The following NCAM2 variants were observed in gnomAD, a reference collection of about 807,000 sequenced individuals.
NCAM2 encodes the protein N-CAM-2.
NCAM2 carries 30 observed loss-of-function variants against 98.1 expected under a neutral mutation model. That is an observed-to-expected ratio of 0.31 (90% confidence interval 0.23 to 0.41). The LOEUF (loss-of-function observed/expected upper bound fraction) is 0.41. NCAM2 is among the 10% of genes least tolerant of loss of function. The pLI is 1.00. For synonymous variants in NCAM2, 368 were observed against 342.4 expected, an observed-to-expected ratio of 1.07 and a Z score of -0.83; for missense variants, 867 against 1,005.8, an observed-to-expected ratio of 0.86 and a Z score of 1.87.
intron 9 of NCAM2, among the ~76,000 whole-genome samples, chr21:21,404,570 T>C (rs2076698219): frequency 6.6e-6 from 1 of 152,060 alleles, no homozygotes; most frequent in Non-Finnish European, 1.5e-5. Flanking sequence ...ATTACCCAGT[T>C]TTGAATGTCT....
chr21:20,998,544 A>G lies in NCAM2; in HGVS notation c.-20A>G, dbSNP rs982481481. 7 of 1,613,118 alleles carry G rather than the reference A, an allele frequency of 4.3e-6. No homozygotes were observed. The African/African-American group carries it at 6.7e-5, about 15-fold the overall frequency. ...GGACTTAATAACTTTGAAACTGTCC[A>G]CCGGTGTCACGTCCTGAACATGAGC... is the stretch of plus-strand genomic sequence containing the variant. On this transcript the variant is annotated 5_prime_UTR_variant, in exon 1 of 18. Coordinates refer to ENST00000400546, the MANE Select transcript of NCAM2 (RefSeq NM_004540.5).
chr21:21,266,732 G>A (rs976091795), intron 1 of NCAM2, among the ~76,000 whole-genome samples: 7 of 151,936 alleles, frequency 4.6e-5, no homozygotes, highest in African/African-American at 1.7e-4. Flanking sequence ...GGGGTGGGTG[G>A]AGGGGGGAGG....
chr21:21,024,098 T>C (rs1725235987), intron 1 of NCAM2, among the ~76,000 whole-genome samples: 1 of 152,186 alleles, frequency 6.6e-6, no homozygotes, highest in African/African-American at 2.4e-5. Context: ...ACAAAGAATA[T>C]GTGATATTCC....
At position 21,539,324 on chromosome 21, in the gene NCAM2, C is replaced by T. The variant is rs1267812395; in HGVS notation, c.*1367C>T. 6.6e-6 allele frequency: 1 copy of T among 152,054 alleles called. No homozygotes were observed. The highest frequency in any genetic ancestry group is 1.5e-5 in the Non-Finnish European group (1 of 68,010). 9.4% of individuals were successfully genotyped at this position (152,054 alleles called of 1,614,324 possible). On this transcript the variant is annotated 3_prime_UTR_variant, in exon 18 of 18. Coordinates refer to ENST00000400546, the MANE Select transcript of NCAM2 (RefSeq NM_004540.5). ...TACCATTTGGGAGCAGGTTTATTAA[C>T]CTTGAGAGCCAAAGGTTTCCTTAGG...
chr21:21,454,594 GC>G (rs1981844621), intron 12 of NCAM2, among the ~76,000 whole-genome samples: 1 of 151,876 alleles, frequency 6.6e-6, no homozygotes, highest in African/African-American at 2.4e-5. Context: ...GTCGGTTTCA[GC>G]AGGAAAGTTA....
chr21:21,524,407 A>G lies in NCAM2; in HGVS notation c.2283-10130A>G, dbSNP rs1438460811. On this transcript the variant is annotated intron_variant, in intron 16 of 17. Coordinates refer to ENST00000400546, the MANE Select transcript of NCAM2 (RefSeq NM_004540.5). Reference sequence around the variant, plus strand: ...AGACTTTAACGCTGCCCTATAAGGAACTCATTCAGCAAGCAGAAAAAAAAA... The same window carrying G: ...AGACTTTAACGCTGCCCTATAAGGAGCTCATTCAGCAAGCAGAAAAAAAAA... Among the ~76,000 whole-genome samples, 9 of 148,226 alleles carry G rather than the reference A, an allele frequency of 6.1e-5. No individual in the cohort carries two copies. In the East Asian group the frequency reaches 1.8e-3, roughly 29 times the overall value.
At chr21:21,337,474 C>G (rs1400637309) in intron 7 of NCAM2, among the ~76,000 whole-genome samples, 1 of 151,720 alleles carries the variant, frequency 6.6e-6, no homozygotes. Context: ...TTTCTGATAC[C>G]AAGAATGTTA....
At chr21:21,013,939 G>A (rs1300074850) in intron 1 of NCAM2, among the ~76,000 whole-genome samples, 1 of 152,168 alleles carries the variant, frequency 6.6e-6, no homozygotes, top group East Asian at 1.9e-4. Context: ...GATGAAGGCA[G>A]GACTACACTA....
Position 21,534,767 on chromosome 21 carries a change from G to T in NCAM2, c.2402+111G>T, listed in dbSNP as rs892992874. ...TATTAATTATTTGTAAAAGAATTGTGCTTTTACTTTTTTGATGAAAGTACA... is the reference window on the plus strand; with the variant it reads ...TATTAATTATTTGTAAAAGAATTGTTCTTTTACTTTTTTGATGAAAGTACA... On this transcript the variant is annotated intron_variant, in intron 17 of 17. Coordinates refer to ENST00000400546, the MANE Select transcript of NCAM2 (RefSeq NM_004540.5). 1.0e-5 allele frequency: 11 copies of T among 1,081,710 alleles called. No individual in the cohort carries two copies. The African/African-American group carries it at 1.6e-4, about 16-fold the overall frequency. 67.0% of individuals were successfully genotyped at this position (1,081,710 alleles called of 1,614,324 possible).
chr21:21,484,871 C>G (rs954677438), intron 15 of NCAM2, among the ~76,000 whole-genome samples: 6 of 152,134 alleles, frequency 3.9e-5, no homozygotes, highest in African/African-American at 1.4e-4. Flanking sequence ...TGTTAAATAG[C>G]ATGTCACTTG....
intron 5 of NCAM2, among the ~76,000 whole-genome samples, chr21:21,314,637 T>A (rs1205146436): frequency 6.6e-6 from 1 of 152,186 alleles, no homozygotes; most frequent in Non-Finnish European, 1.5e-5. Flanking sequence ...AAGAAGTTCC[T>A]GAAGTCTATT....
At chr21:21,378,367 C>A (rs1048572205) in intron 9 of NCAM2, among the ~76,000 whole-genome samples, 52 of 151,962 alleles carry the variant, frequency 3.4e-4, no homozygotes, top group African/African-American at 1.2e-3. Flanking sequence ...TTGAATAAAG[C>A]CATTCTAATG....
chr21:21,028,404 A>T (rs537964007), intron 1 of NCAM2, among the ~76,000 whole-genome samples: 151 of 152,350 alleles, frequency 9.9e-4, no homozygotes, highest in African/African-American at 3.5e-3. Context: ...AGATTCTTTA[A>T]TGAGGCCTGA....
chr21:21,334,510 C>T (rs765596718), intron 6 of NCAM2, among the ~76,000 whole-genome samples: 5 of 151,854 alleles, frequency 3.3e-5, no homozygotes, highest in Non-Finnish European at 7.4e-5. Flanking sequence ...TTTAAATTTA[C>T]AATTGTATGG....
chr21:21,457,724 T>C (rs903831594), intron 12 of NCAM2, among the ~76,000 whole-genome samples: 1 of 152,072 alleles, frequency 6.6e-6, no homozygotes, highest in Non-Finnish European at 1.5e-5. Context: ...TTGTGTGTGA[T>C]GGAATCAGAT....
At chr21:21,224,414 C>T (rs953887012) in intron 1 of NCAM2, among the ~76,000 whole-genome samples, 2 of 152,036 alleles carry the variant, frequency 1.3e-5, no homozygotes, top group African/African-American at 4.8e-5. Flanking sequence ...AGATACTATT[C>T]TTTTATCTAT....
intron 1 of NCAM2, among the ~76,000 whole-genome samples, chr21:21,271,062 A>G (rs1396278020): frequency 2.0e-5 from 3 of 152,108 alleles, no homozygotes; most frequent in Non-Finnish European, 2.9e-5. Flanking sequence ...TTATGTTCAC[A>G]TGTGATATGT....
intron 8 of NCAM2, among the ~76,000 whole-genome samples, chr21:21,362,136 T>C (rs2075662851): frequency 6.6e-6 from 1 of 151,996 alleles, no homozygotes; most frequent in Admixed American, 6.6e-5. Context: ...TTTGGATGGG[T>C]TACAGACCAG....
Position 21,468,741 on chromosome 21 carries a change from T to C in NCAM2, c.1854T>C (p.Asp618=). The C allele has an allele frequency of 1.9e-6, 3 of 1,612,150 alleles. No individual in the cohort carries two copies. Among genetic ancestry groups the C allele is most frequent in the Non-Finnish European group, 2.5e-6 (3 of 1,178,784 alleles). Residue 618 remains aspartate, a synonymous_variant, in exon 14 of 18, where the codon GAT becomes GAC. Transcript: ENST00000400546. ...AACTCAGCATCACCAAACAGGACGA[T>C]GGAGGGGCCCCTATTTTGGAATACA... The part of the protein sequence containing the change: ...SFKLSITKQD[D]GGAPILEYIV...
Sources: gnomAD v4.1 joint callset for allele counts (sites outside exome capture counted in the v4.1 genomes callset) on GRCh38, gnomAD v4.1.1 for gene constraint, MANE v1.5 for transcripts, NCBI Gene and HGNC (gene_info 2026-07-23, HGNC 2026-07-21) for gene names.